CYB5R4: variants seen among roughly 807,000 people sequenced by gnomAD.
CYB5R4 encodes cytochrome b5 reductase 4.
In CYB5R4, 55 loss-of-function variants were observed where a neutral mutation model predicts 70.2. The observed-to-expected ratio is 0.78, with a 90% CI of 0.63 to 0.98. The LOEUF is 0.98. Among genes scored for constraint, CYB5R4 ranks in the 50% least tolerant of loss-of-function variants. The pLI is 0.00. For missense variants in CYB5R4, 562 were observed against 612.6 expected (o/e 0.92, Z 0.87); for synonymous variants, 197 against 199.5 (o/e 0.99, Z 0.11).
intron 8 of CYB5R4, among the ~76,000 whole-genome samples, chr6:83,921,509 C>T (rs903018720): frequency 3.9e-5 from 6 of 152,210 alleles, no homozygotes; most frequent in East Asian, 1.9e-4. Flanking sequence ...GACTGTCCTT[C>T]GCTAGGTGGC....
At chr6:83,890,891 G>T (rs2099461024) in intron 2 of CYB5R4, among the ~76,000 whole-genome samples, 1 of 152,120 alleles carries the variant, frequency 6.6e-6, no homozygotes, top group African/African-American at 2.4e-5. Context: ...GTACATTATT[G>T]TCTTAGACAT....
At position 83,940,120 on chromosome 6, in the gene CYB5R4, A is replaced by T; in HGVS notation, c.1173A>T (p.Glu391Asp). 2 of 1,612,830 alleles carry T rather than the reference A, an allele frequency of 1.2e-6. No individual in the cohort carries two copies. The highest frequency in any genetic ancestry group is 1.7e-6 in the Non-Finnish European group (2 of 1,179,198). The change falls in exon 13 of 16, where the codon GAA (glutamate) becomes GAT (aspartate). Residue 391 changes from glutamate to aspartate, a missense_variant. Glu to Asp is a conservative substitution (Grantham distance 45). Transcript: ENST00000369681. ...NFKISKFQELEDLFLLAAGTG... is the reference protein window; with the variant it reads ...NFKISKFQELDDLFLLAAGTG... ...AAATATCCAAGTTCCAAGAATTAGA[A>T]GATCTCTTTTTGTTGGCAGCTGGAA... is the stretch of plus-strand genomic sequence containing the variant.
intron 2 of CYB5R4, among the ~76,000 whole-genome samples, chr6:83,875,012 G>T (rs2099458303): frequency 6.6e-6 from 1 of 151,622 alleles, no homozygotes; most frequent in Non-Finnish European, 1.5e-5. Context: ...TAGTAGAGAT[G>T]GGGTTTCACC....
intron 2 of CYB5R4, among the ~76,000 whole-genome samples, chr6:83,890,817 G>A (rs761844708): frequency 3.9e-5 from 6 of 152,008 alleles, no homozygotes; most frequent in African/African-American, 7.3e-5. Context: ...CCAGCAAAAC[G>A]TTTAACTCAG....
intron 14 of CYB5R4, among the ~76,000 whole-genome samples, chr6:83,951,920 T>C (rs1279512651): frequency 1.3e-5 from 2 of 152,164 alleles, no homozygotes; most frequent in East Asian, 3.9e-4. Flanking sequence ...AGTGTTCCTG[T>C]TTCTCCACGT....
At chr6:83,948,692 A>G (rs2099471052) in intron 14 of CYB5R4, among the ~76,000 whole-genome samples, 1 of 152,136 alleles carries the variant, frequency 6.6e-6, no homozygotes, top group Non-Finnish European at 1.5e-5. Flanking sequence ...TTTATAAATT[A>G]ATTGTTAAGG....
chr6:83,929,094 T>C (rs1256011467), intron 10 of CYB5R4, among the ~76,000 whole-genome samples: 1 of 152,204 alleles, frequency 6.6e-6, no homozygotes, highest in African/African-American at 2.4e-5. Context: ...GATATTTTTG[T>C]TTATTTCACT....
chr6:83,874,130 C>T (rs1307804973), intron 2 of CYB5R4, among the ~76,000 whole-genome samples: 1 of 66,064 alleles, frequency 1.5e-5, no homozygotes, highest in Non-Finnish European at 2.6e-5. Flanking sequence ...CCTCCTCTCC[C>T]CTCCCCTCCC....
chr6:83,937,002 C>T (rs982697825), intron 12 of CYB5R4, among the ~76,000 whole-genome samples: 12 of 152,278 alleles, frequency 7.9e-5, no homozygotes, highest in African/African-American at 2.9e-4. Flanking sequence ...GGGCTGGGTG[C>T]GGTGGCTCAC....
intron 14 of CYB5R4, among the ~76,000 whole-genome samples, chr6:83,953,909 T>C (rs558639470): frequency 7.2e-5 from 11 of 152,324 alleles, no homozygotes; most frequent in Non-Finnish European, 1.2e-4. Context: ...CTTACTTAGA[T>C]TGACGTTTGA....
At chr6:83,892,601 AAC>A (rs1294181259) in intron 2 of CYB5R4, among the ~76,000 whole-genome samples, 1 of 152,190 alleles carries the variant, frequency 6.6e-6, no homozygotes, top group Non-Finnish European at 1.5e-5. Context: ...AAAAATAAAT[AAC>A]AGTTGAATAG....
chr6:83,875,598 A>G (rs958593181), intron 2 of CYB5R4, among the ~76,000 whole-genome samples: 1 of 152,192 alleles, frequency 6.6e-6, no homozygotes, highest in African/African-American at 2.4e-5. Flanking sequence ...AAGCAAGTTT[A>G]TTAAGAAAGT....
intron 2 of CYB5R4, among the ~76,000 whole-genome samples, chr6:83,888,941 G>A (rs530594711): frequency 6.6e-6 from 1 of 152,330 alleles, no homozygotes; most frequent in East Asian, 1.9e-4. Context: ...TGGTGATATG[G>A]AGAAAGCTTT....
intron 14 of CYB5R4, among the ~76,000 whole-genome samples, chr6:83,954,214 G>T (rs563640042): frequency 6.6e-6 from 1 of 152,218 alleles, no homozygotes; most frequent in South Asian, 2.1e-4. Flanking sequence ...TTTCATTAAA[G>T]AATTATTGAG....
intron 3 of CYB5R4, among the ~76,000 whole-genome samples, chr6:83,905,330 A>C (rs1054184356): frequency 6.6e-6 from 1 of 152,150 alleles, no homozygotes; most frequent in South Asian, 2.1e-4. Context: ...GTGCGGAGCC[A>C]CTGCGCCCGG....
chr6:83,878,413 T>C (rs577779481), intron 2 of CYB5R4, among the ~76,000 whole-genome samples: 9 of 152,196 alleles, frequency 5.9e-5, no homozygotes, highest in Non-Finnish European at 2.9e-5. Context: ...AGTGGTGCAG[T>C]CTCGGCTCAC....
intron 10 of CYB5R4, among the ~76,000 whole-genome samples, chr6:83,929,854 A>G (rs1276091104): frequency 6.6e-6 from 1 of 152,132 alleles, no homozygotes; most frequent in Non-Finnish European, 1.5e-5. Context: ...GTCTTAGGAA[A>G]CAAGATTTAA....
intron 1 of CYB5R4, among the ~76,000 whole-genome samples, chr6:83,862,626 CTG>C (rs1473054869): frequency 1.3e-5 from 2 of 152,218 alleles, no homozygotes; most frequent in African/African-American, 2.4e-5. Flanking sequence ...GTACAGTCAA[CTG>C]TGACCAGATT....
At chr6:83,900,820 G>A (rs6454345) in intron 3 of CYB5R4, among the ~76,000 whole-genome samples, 23,302 of 151,924 alleles carry the variant, frequency 0.15, 3,490 homozygotes, top group African/African-American at 0.37. Flanking sequence ...CATTTGCTTG[G>A]TAGATCTTCC....
Sources: gnomAD v4.1 joint callset for allele counts (sites outside exome capture counted in the v4.1 genomes callset) on GRCh38, gnomAD v4.1.1 for gene constraint, MANE v1.5 for transcripts, NCBI Gene and HGNC (gene_info 2026-07-23, HGNC 2026-07-21) for gene names.